The following PTPRG variants were observed in gnomAD, a reference collection of about 807,000 sequenced individuals.
PTPRG encodes the protein protein tyrosine phosphatase receptor type G.
In PTPRG, 102 loss-of-function variants were observed where a neutral mutation model predicts 165.3. The ratio of observed to expected loss-of-function variants is 0.62; its 90% confidence interval spans 0.53 to 0.73. PTPRG has a LOEUF of 0.73. Ranked by LOEUF, PTPRG falls within the 30% of genes least tolerant of loss-of-function variation. PTPRG has a pLI of 0.00. For synonymous variants in PTPRG, 675 were observed against 669.5 expected (o/e 1.01, Z -0.13); for missense variants, 1,866 against 1,861.4 (o/e 1.00, Z -0.05).
intron 12 of PTPRG, among the ~76,000 whole-genome samples, chr3:62,211,229 A>T (rs1204603360): frequency 2.6e-5 from 4 of 152,254 alleles, no homozygotes; most frequent in African/African-American, 9.6e-5. Context: ...CCCTGAGGAC[A>T]TTATGCTAAG....
rs10640815 is a variant in PTPRG at position 61,753,585 on chromosome 3, G to GTTT, written c.190+4617_190+4619dup. ...AGTAACTTCAAGTAGAAATTTGAGGGTTTTTTTTTTTTTTTTGGAGATTGG... is the reference window on the plus strand; with the variant it reads ...AGTAACTTCAAGTAGAAATTTGAGGGTTTTTTTTTTTTTTTTTTTGGAGATTGG... On this transcript the variant is annotated intron_variant, in intron 2 of 29. Transcript: ENST00000474889. The GTTT allele has an allele frequency of 6.1e-3, 2,211 of 363,714 alleles. 101 individuals are homozygous for GTTT. Among genetic ancestry groups the GTTT allele is most frequent in the East Asian group, 0.014 (154 of 10,982 alleles). The allele number at this position is 363,714 out of a possible 1,614,324, so 22.5% of individuals were successfully genotyped here. A position where few individuals can be genotyped will look rare whatever the true frequency, so the allele number is the denominator to read the frequency against.
At chr3:61,954,285 G>A (rs1473806543) in intron 2 of PTPRG, among the ~76,000 whole-genome samples, 2 of 152,162 alleles carry the variant, frequency 1.3e-5, no homozygotes, top group East Asian at 1.9e-4. Context: ...ACCCTTGGCA[G>A]TGTGCTGGGA....
At chr3:61,669,377 A>G (rs1702901578) in intron 1 of PTPRG, among the ~76,000 whole-genome samples, 1 of 140,986 alleles carries the variant, frequency 7.1e-6, no homozygotes, top group African/African-American at 2.5e-5. Flanking sequence ...TACCGGTATC[A>G]AGAGGCTCAG....
rs574660857 is a variant in PTPRG, at chr3:61,662,632, G to T, written c.86-86246G>T. On this transcript the variant is annotated intron_variant, in intron 1 of 29. Transcript: ENST00000474889. ...ATCACTAATGCACAATAATGGTGGGGGTCAGATACACAGGAACAAACTGAA... is the reference window on the plus strand; with the variant it reads ...ATCACTAATGCACAATAATGGTGGGTGTCAGATACACAGGAACAAACTGAA... Among the ~76,000 whole-genome samples, 17 of 152,296 alleles carry T rather than the reference G, an allele frequency of 1.1e-4. 1 individual carries two copies. The South Asian group carries it at 2.9e-3, about 26-fold the overall frequency.
At position 61,893,416 on chromosome 3, in the gene PTPRG, T is replaced by C. The variant is rs564660913; in HGVS notation, c.191-96209T>C. 6.6e-5 allele frequency among the ~76,000 whole-genome samples: 10 copies of C among 152,342 alleles called. No individual in the cohort carries two copies. In the East Asian group the frequency reaches 1.7e-3, roughly 26 times the overall value. ...ATAAGGTAGTCAATGTCAATATCTC[T>C]TTTTAGCATTTTGGGCAAAGTAGAT... On this transcript the variant is annotated intron_variant, in intron 2 of 29. Coordinates refer to ENST00000474889, the MANE Select transcript of PTPRG (RefSeq NM_002841.4).
intron 5 of PTPRG, among the ~76,000 whole-genome samples, chr3:62,117,278 G>T (rs1702900721): frequency 6.6e-6 from 1 of 152,226 alleles, no homozygotes; most frequent in African/African-American, 2.4e-5. Context: ...ACTTTTCCCA[G>T]CTAGCTCACA....
intron 26 of PTPRG, among the ~76,000 whole-genome samples, chr3:62,277,982 C>T (rs1702290787): frequency 6.6e-6 from 1 of 152,222 alleles, no homozygotes; most frequent in African/African-American, 2.4e-5. Context: ...ACTACACCAA[C>T]CTCTTCCCTG....
chr3:62,155,176 TG>T (rs1349048370), intron 6 of PTPRG, among the ~76,000 whole-genome samples: 2 of 152,252 alleles, frequency 1.3e-5, no homozygotes, highest in African/African-American at 4.8e-5. Context: ...TGAAGACTTT[TG>T]CATTTATTGG....
chr3:62,283,375 T>C (rs1464112361), intron 28 of PTPRG, among the ~76,000 whole-genome samples: 1 of 152,130 alleles, frequency 6.6e-6, no homozygotes, highest in East Asian at 1.9e-4. Flanking sequence ...ATTTAAAGAA[T>C]ATGAATCTCA....
intron 4 of PTPRG, among the ~76,000 whole-genome samples, chr3:62,021,447 A>C (rs1244967758): frequency 1.3e-5 from 2 of 152,204 alleles, no homozygotes. Flanking sequence ...ACATTTTCAA[A>C]AGAAGCTAAT....
At chr3:61,966,137 T>C (rs1286644169) in intron 2 of PTPRG, among the ~76,000 whole-genome samples, 1 of 152,238 alleles carries the variant, frequency 6.6e-6, no homozygotes, top group Non-Finnish European at 1.5e-5. Flanking sequence ...GTCTTCCATA[T>C]TGACTGACAT....
At chr3:61,705,393 C>G (rs1328941580) in intron 1 of PTPRG, among the ~76,000 whole-genome samples, 1 of 152,030 alleles carries the variant, frequency 6.6e-6, no homozygotes, top group East Asian at 1.9e-4. Flanking sequence ...ATTATTTGCT[C>G]AAGGCTGCTA....
intron 5 of PTPRG, chr3:62,124,240 C>G: frequency 8.1e-7 from 1 of 1,239,958 alleles, no homozygotes; most frequent in Non-Finnish European, 1.2e-6. Flanking sequence ...TTGACATTAA[C>G]TCCGAAGGGA....
In PTPRG at chr3:62,240,056, G is replaced by T. The variant is rs1701122819; in HGVS notation, c.2376-3751G>T. Among the ~76,000 whole-genome samples, 1 of 152,076 alleles carries T rather than the reference G, an allele frequency of 6.6e-6. No homozygotes were observed. The highest frequency in any genetic ancestry group is 1.5e-5 in the Non-Finnish European group (1 of 68,026). On this transcript the variant is annotated intron_variant, in intron 14 of 29. Coordinates refer to ENST00000474889, the MANE Select transcript of PTPRG (RefSeq NM_002841.4). This position sits in a 1 kb window ranked among gnomAD's most constrained non-coding sequence, Gnocchi z 5.1. ...ACCCCCCAATAGATAGTTATTAAAG[G>T]AATAAATTAAATACCAGCATTGTAA...
chr3:61,857,693 A>G (rs979159845), intron 2 of PTPRG, among the ~76,000 whole-genome samples: 1 of 152,220 alleles, frequency 6.6e-6, no homozygotes, highest in Non-Finnish European at 1.5e-5. Context: ...GCAAAGACTA[A>G]TATAGTTCCT....
At chr3:61,804,889 C>T (rs561709309) in intron 2 of PTPRG, among the ~76,000 whole-genome samples, 47 of 152,242 alleles carry the variant, frequency 3.1e-4, no homozygotes, top group African/African-American at 1.1e-3. Context: ...AGCTCTCTTC[C>T]CCCCTTTGCA....
At chr3:61,678,865 C>T (rs1192410440) in intron 1 of PTPRG, among the ~76,000 whole-genome samples, 3 of 152,082 alleles carry the variant, frequency 2.0e-5, no homozygotes, top group Admixed American at 6.5e-5. Flanking sequence ...GAATTTGCAT[C>T]CCCCATACCT....
intron 1 of PTPRG, among the ~76,000 whole-genome samples, chr3:61,650,658 G>C (rs1028727206): frequency 2.0e-5 from 3 of 152,196 alleles, no homozygotes. Context: ...CCTAACACTA[G>C]TGTGAAGATT....
At chr3:61,902,509 G>T (rs370380020) in intron 2 of PTPRG, among the ~76,000 whole-genome samples, 2 of 152,212 alleles carry the variant, frequency 1.3e-5, no homozygotes, top group Non-Finnish European at 2.9e-5. Context: ...CCCTAAGGAA[G>T]AAAACTCACT....
Sources: gnomAD v4.1 joint callset for allele counts (sites outside exome capture counted in the v4.1 genomes callset) on GRCh38, gnomAD v4.1.1 for gene constraint, Gnocchi (gnomAD v3.1) non-coding constraint, MANE v1.5 for transcripts, NCBI Gene and HGNC (gene_info 2026-07-23, HGNC 2026-07-21) for gene names.